ERO1B: variants seen among roughly 807,000 people sequenced by gnomAD.
ERO1B encodes the protein endoplasmic reticulum oxidoreductase 1 beta.
Under a neutral mutation model 75.3 loss-of-function variants are expected in ERO1B, and 49 were observed. The observed-to-expected ratio is 0.65, with a 90% CI of 0.52 to 0.83. The LOEUF (loss-of-function observed/expected upper bound fraction) is 0.83. Among genes scored for constraint, ERO1B ranks in the 40% least tolerant of loss-of-function variants. ERO1B has a pLI of 0.00. For missense variants in ERO1B, 512 were observed against 560.1 expected (o/e 0.91, Z 0.87); for synonymous variants, 191 against 192.9 (o/e 0.99, Z 0.08).
At chr1:236,227,412 AT>A (rs1664305922) in intron 10 of ERO1B, among the ~76,000 whole-genome samples, 1 of 152,194 alleles carries the variant, frequency 6.6e-6, no homozygotes. Context: ...CCGTCATCCT[AT>A]CCTAACCCCT....
At chr1:236,222,113 G>T in intron 13 of ERO1B, 103 bp from the exon 14 acceptor site, 1 of 904,326 alleles carries the variant, frequency 1.1e-6, no homozygotes, top group Non-Finnish European at 1.7e-6. Flanking sequence ...AATCAGTTGT[G>T]TTTTTTGTTT....
At chr1:236,273,799 T>C (rs918936445) in intron 1 of ERO1B, among the ~76,000 whole-genome samples, 1 of 92,208 alleles carries the variant, frequency 1.1e-5, no homozygotes, top group Non-Finnish European at 2.1e-5. Flanking sequence ...GAGCGAGACC[T>C]TGTCTCAAAA....
At chr1:236,257,799 G>C (rs1325026576) in intron 2 of ERO1B, among the ~76,000 whole-genome samples, 1 of 150,684 alleles carries the variant, frequency 6.6e-6, no homozygotes, top group Non-Finnish European at 1.5e-5. Context: ...CAGTAGAGGG[G>C]TCCAACAGCA....
intron 2 of ERO1B, among the ~76,000 whole-genome samples, chr1:236,261,415 C>T (rs1665291472): frequency 6.6e-6 from 1 of 152,000 alleles, no homozygotes; most frequent in African/African-American, 2.4e-5. Flanking sequence ...AAGACTCCAC[C>T]AAAAAATCTA....
chr1:236,228,425 G>C (rs188992925), intron 10 of ERO1B, among the ~76,000 whole-genome samples: 7 of 152,322 alleles, frequency 4.6e-5, no homozygotes, highest in African/African-American at 1.7e-4. Flanking sequence ...CACAGTCTGT[G>C]CCAGGCTGGA....
In ERO1B at chr1:236,245,309, T is replaced by TAC. The variant is rs1664818549; in HGVS notation, c.432-1815_432-1814insGT. Among the ~76,000 whole-genome samples, 2 of 21,774 alleles carry TAC rather than the reference T, an allele frequency of 9.2e-5. 1 individual carries two copies. Among genetic ancestry groups the TAC allele is most frequent in the Admixed American group, 1.8e-3 (2 of 1,088 alleles). 14.3% of individuals were successfully genotyped at this position (21,774 alleles called of 152,430 possible). The stretch of plus-strand genomic sequence containing the variant: ...CATGCCCAGTCAAAATATATATATA[T>TAC]ATATATATATATACACACACGTATA... On this transcript the variant is annotated intron_variant, in intron 5 of 15. Transcript: ENST00000354619.
intron 3 of ERO1B, among the ~76,000 whole-genome samples, chr1:236,252,314 C>T (rs1665049588): frequency 6.6e-6 from 1 of 152,130 alleles, no homozygotes; most frequent in South Asian, 2.1e-4. Flanking sequence ...GAATGACATA[C>T]ACAAAGTAAG....
At position 236,263,593 on chromosome 1, in the gene ERO1B, A is replaced by G. The variant is rs114843720; in HGVS notation, c.222+6282T>C. Among the ~76,000 whole-genome samples the G allele has an allele frequency of 7.4e-4, 113 of 152,124 alleles. 1 individual carries two copies. The highest frequency in any genetic ancestry group is 2.2e-3 in the African/African-American group (91 of 41,514). On this transcript the variant is annotated intron_variant, in intron 2 of 15. Transcript: ENST00000354619. ...AGGATCACATTAAATTTACATATTA[A>G]CTAGGGGCGAATTAAAATTGTTAGG...
At chr1:236,221,047 G>T in intron 14 of ERO1B, 82 bp from the exon 15 acceptor site, 2 of 1,028,486 alleles carry the variant, frequency 1.9e-6, no homozygotes, top group Non-Finnish European at 1.3e-6. Flanking sequence ...TATAGCCACT[G>T]TTATGCCAGT....
chr1:236,243,846 A>G lies in ERO1B; in HGVS notation c.432-351T>C, dbSNP rs563526728. On this transcript the variant is annotated intron_variant, in intron 5 of 15. Coordinates refer to ENST00000354619, the MANE Select transcript of ERO1B (RefSeq NM_019891.4). ...ACTTAGAAATTATAACGTTAAACGT[A>G]TTTTTTCCGAAGTAATTAAATTTAT... Among the ~76,000 whole-genome samples, 5 of 152,248 alleles carry G rather than the reference A, an allele frequency of 3.3e-5. No homozygotes were observed. The East Asian group carries it at 9.6e-4, about 29-fold the overall frequency.
At position 236,216,371 on chromosome 1, in the gene ERO1B, A is replaced by G. The variant is rs1480883355; in HGVS notation, c.*2145T>C. On this transcript the variant is annotated 3_prime_UTR_variant, in exon 16 of 16. Transcript: ENST00000354619. Reference sequence around the variant, plus strand: ...ACAGTTTAGATCACAAGAACCATAAAATGTCACCAGGCTCACACAATCATT... The same window carrying G: ...ACAGTTTAGATCACAAGAACCATAAGATGTCACCAGGCTCACACAATCATT... 6.6e-6 allele frequency: 1 copy of G among 152,150 alleles called. No individual in the cohort carries two copies. The highest frequency in any genetic ancestry group is 1.5e-5 in the Non-Finnish European group (1 of 68,002). 9.4% of individuals were successfully genotyped at this position (152,150 alleles called of 1,614,324 possible).
intron 2 of ERO1B, among the ~76,000 whole-genome samples, chr1:236,264,606 G>T (rs1318662243): frequency 6.6e-6 from 1 of 152,110 alleles, no homozygotes; most frequent in South Asian, 2.1e-4. Context: ...CACTTTGAGA[G>T]GCCAAGGTGG....
chr1:236,270,593 T>C (rs1241340465), intron 1 of ERO1B, among the ~76,000 whole-genome samples: 2 of 152,206 alleles, frequency 1.3e-5, no homozygotes, highest in Non-Finnish European at 2.9e-5. Context: ...CAAAGATTAT[T>C]TGCTAATCCA....
chr1:236,231,417 C>T (rs756931344), intron 9 of ERO1B, among the ~76,000 whole-genome samples: 6 of 149,790 alleles, frequency 4.0e-5, no homozygotes, highest in Non-Finnish European at 5.9e-5. Flanking sequence ...TAAGTGTTTT[C>T]GCCAAAAAAA....
At position 236,239,835 on chromosome 1, in the gene ERO1B, G is replaced by GTGTATATATA. The variant is rs1664644049; in HGVS notation, c.506-3447_506-3438dup. Among the ~76,000 whole-genome samples the GTGTATATATA allele has an allele frequency of 9.7e-4, 41 of 42,342 alleles. 1 individual carries two copies. Among genetic ancestry groups the GTGTATATATA allele is most frequent in the Non-Finnish European group, 2.0e-3 (24 of 12,048 alleles). The allele number at this position is 42,342 out of a possible 152,430, so 27.8% of individuals were successfully genotyped here. A position where few individuals can be genotyped will look rare whatever the true frequency, so the allele number is the denominator to read the frequency against. ...TGTATATATATATGTGTATATATAT[G>GTGTATATATA]TGTATATATATATGTGTATATATGT... is the stretch of plus-strand genomic sequence containing the variant. On this transcript the variant is annotated intron_variant, in intron 6 of 15. Coordinates refer to ENST00000354619, the MANE Select transcript of ERO1B (RefSeq NM_019891.4).
chr1:236,258,713 C>T (rs555070906), intron 2 of ERO1B, among the ~76,000 whole-genome samples: 145 of 152,208 alleles, frequency 9.5e-4, no homozygotes, highest in Non-Finnish European at 1.6e-3. Context: ...GTGGTGAAAC[C>T]TCATCTCTAC....
At chr1:236,244,777 T>C (rs779817981) in intron 5 of ERO1B, among the ~76,000 whole-genome samples, 4 of 152,180 alleles carry the variant, frequency 2.6e-5, no homozygotes, top group Non-Finnish European at 5.9e-5. Context: ...GTTTGATTTA[T>C]AAATGAGTTA....
At chr1:236,221,706 A>G (rs972195010) in intron 14 of ERO1B, 2 of 478,002 alleles carry the variant, frequency 4.2e-6, no homozygotes, top group African/African-American at 2.0e-5. Context: ...CATAGACACA[A>G]TAAAACTAAA....
intron 5 of ERO1B, among the ~76,000 whole-genome samples, chr1:236,247,203 C>T (rs769029111): frequency 2.0e-5 from 3 of 152,152 alleles, no homozygotes; most frequent in Non-Finnish European, 2.9e-5. Flanking sequence ...CAGACCTCTC[C>T]CCTATTTCAG....
Sources: gnomAD v4.1 joint callset for allele counts (sites outside exome capture counted in the v4.1 genomes callset) on GRCh38, gnomAD v4.1.1 for gene constraint, MANE v1.5 for transcripts, NCBI Gene and HGNC (gene_info 2026-07-23, HGNC 2026-07-21) for gene names.